Variants in TADA3 observed in about 807,000 individuals in gnomAD.
The protein encoded by TADA3 is transcriptional adapter 3.
Under a neutral mutation model 43.2 loss-of-function variants are expected in TADA3, and 25 were observed. The observed-to-expected ratio is 0.58, with a 90% CI of 0.42 to 0.81. TADA3 has a LOEUF of 0.81. TADA3 is among the 30% of genes least tolerant of loss of function. The probability of loss-of-function intolerance (pLI) is 0.00; values close to 1 mark genes in which losing one functional copy is unlikely to be tolerated. For synonymous variants in TADA3, 235 were observed against 225.5 expected, an observed-to-expected ratio of 1.04 and a Z score of -0.38; for missense variants, 441 against 567.8, an observed-to-expected ratio of 0.78 and a Z score of 2.27.
chr3:9,789,125 T>C (rs907418317), intron 4 of TADA3, among the ~76,000 whole-genome samples: 2 of 152,198 alleles, frequency 1.3e-5, no homozygotes, highest in African/African-American at 2.4e-5. Context: ...CATAAGCCAC[T>C]GCTCCCAGCC....
Position 9,791,476 on chromosome 3 carries a change from T to C in TADA3, c.-10A>G, listed in dbSNP as rs2078731125. 1 of 1,598,386 alleles carries C rather than the reference T, an allele frequency of 6.3e-7. No homozygotes were observed. The highest frequency in any genetic ancestry group is 8.6e-7 in the Non-Finnish European group (1 of 1,169,204). ...CTTTCAACTCACTCATGGCCCAGGATATGGGGATCCTGTGGAGCTGGAGAG... is the reference window on the plus strand; with the variant it reads ...CTTTCAACTCACTCATGGCCCAGGACATGGGGATCCTGTGGAGCTGGAGAG... On this transcript the variant is annotated 5_prime_UTR_variant, in exon 2 of 9. The change creates a new upstream start codon in the 5' untranslated region. Transcript: ENST00000301964.
chr3:9,789,644 G>GC (rs1402537951), intron 3 of TADA3, 30 bp from the exon 4 acceptor site: 1 of 1,611,484 alleles, frequency 6.2e-7, no homozygotes, highest in Non-Finnish European at 8.5e-7. Context: ...CTGAGTGGGC[G>GC]CCCCTGCCCC....
At chr3:9,790,329 A>G (rs1029426139) in intron 2 of TADA3, among the ~76,000 whole-genome samples, 1 of 152,226 alleles carries the variant, frequency 6.6e-6, no homozygotes, top group Non-Finnish European at 1.5e-5. Context: ...CTTAGATGCT[A>G]AAATACAACT....
In TADA3 at chr3:9,780,512, G is replaced by A; in HGVS notation, c.1144C>T (p.Gln382Ter). The change falls in exon 9 of 9, where the codon CAG becomes TAG. Residue 382 changes from glutamine (Q) to a stop codon, truncating the protein, a stop_gained. Coordinates refer to ENST00000301964, the MANE Select transcript of TADA3 (RefSeq NM_006354.5). LOFTEE classifies it high-confidence loss of function. The part of the protein sequence containing the change: ...KEEVSRQELR[Q>*]RVRMADNEVM... The stretch of plus-strand genomic sequence containing the variant: ...TCGTTGTCAGCCATGCGCACCCGCT[G>A]CCTCAGCTCCTGCCGGCTCACCTCC... The A allele has an allele frequency of 6.2e-7, 1 of 1,607,318 alleles. No homozygotes were observed. The highest frequency in any genetic ancestry group is 8.5e-7 in the Non-Finnish European group (1 of 1,179,936).
At chr3:9,792,608 T>C, upstream of TADA3, 1 of 1,230,390 alleles carries the variant, frequency 8.1e-7, no homozygotes, top group Non-Finnish European at 1.0e-6. Context: ...GTGGTCGGCC[T>C]CAGGCGAGCC....
intron 8 of TADA3, among the ~76,000 whole-genome samples, chr3:9,781,070 C>T (rs978542934): frequency 6.6e-6 from 1 of 151,816 alleles, no homozygotes; most frequent in Non-Finnish European, 1.5e-5. Flanking sequence ...TTCAAGGTTA[C>T]AGTGAACTAT....
Position 9,789,865 on chromosome 3 carries a change from C to T in TADA3, c.306G>A (p.Lys102=). The change falls in exon 3 of 9, where the codon AAG becomes AAA. Residue 102 remains lysine, a synonymous_variant. Transcript: ENST00000301964. The part of the protein sequence containing the change: ...LGAPPKHGKP[K]KQKLEGKAGH... ...CTGCCTTCCCTTCCAGTTTCTGCTT[C>T]TTGGGCTTCCCATGTTTGGGGGGAG... is the stretch of plus-strand genomic sequence containing the variant. The T allele has an allele frequency of 6.2e-7, 1 of 1,614,262 alleles. No homozygotes were observed.
rs1274964933 is a variant in TADA3 at position 9,787,001 on chromosome 3, C to T, written c.810+5G>A. 1 of 1,613,294 alleles carries T rather than the reference C, an allele frequency of 6.2e-7. No individual in the cohort carries two copies. Among genetic ancestry groups the T allele is most frequent in the South Asian group, 1.1e-5 (1 of 91,058 alleles). Reference sequence around the variant, plus strand: ...ATGGTTCCTCTTTTGGGTTAGGCTGCTCACCTCCACCAGGGCCTGCAGGAG... The same window carrying T: ...ATGGTTCCTCTTTTGGGTTAGGCTGTTCACCTCCACCAGGGCCTGCAGGAG... On this transcript the variant is annotated splice_donor_5th_base_variant and intron_variant, in intron 6 of 8. Coordinates refer to ENST00000301964, the MANE Select transcript of TADA3 (RefSeq NM_006354.5).
At chr3:9,792,670 G>A (rs2078768343), upstream of TADA3, 2 of 1,232,906 alleles carry the variant, frequency 1.6e-6, no homozygotes, top group African/African-American at 3.1e-5. Context: ...AGATCTCCGC[G>A]CTGCAGTTAG....
intron 7 of TADA3, among the ~76,000 whole-genome samples, chr3:9,784,884 GA>G (rs1172223085): frequency 4.0e-5 from 6 of 150,470 alleles, no homozygotes; most frequent in African/African-American, 1.5e-4. Flanking sequence ...AAAAGAAAAA[GA>G]AAAAAAGAAA....
At chr3:9,785,499 C>T in intron 6 of TADA3, 74 bp from the exon 7 acceptor site, 1 of 1,012,834 alleles carries the variant, frequency 9.9e-7, no homozygotes, top group Non-Finnish European at 1.5e-6. Flanking sequence ...CCTACACTGA[C>T]AGTCTTCAAA....
intron 5 of TADA3, 43 bp from the exon 6 acceptor site, chr3:9,787,152 G>A (rs2078633691): frequency 6.2e-7 from 1 of 1,614,040 alleles, no homozygotes; most frequent in African/African-American, 1.3e-5. Context: ...CTGAAGTTCT[G>A]GAATTCAAGT....
intron 4 of TADA3, chr3:9,787,639 G>A: frequency 7.3e-7 from 1 of 1,363,042 alleles, no homozygotes. Flanking sequence ...TGCCTCTCGA[G>A]AGAATTAGGA....
At chr3:9,787,641 G>C (rs1007251974) in intron 4 of TADA3, 1 of 1,373,306 alleles carries the variant, frequency 7.3e-7, no homozygotes, top group African/African-American at 1.4e-5. Context: ...CCTCTCGAGA[G>C]AATTAGGAGC....
At chr3:9,780,602 C>T in intron 8 of TADA3, 53 bp from the exon 9 acceptor site, 2 of 1,538,884 alleles carry the variant, frequency 1.3e-6, no homozygotes, top group Non-Finnish European at 1.7e-6. Flanking sequence ...CAGAGAACAA[C>T]CCCTCCCTCT....
upstream of TADA3, chr3:9,792,758 C>T (rs1187635577): frequency 2.4e-6 from 3 of 1,245,458 alleles, no homozygotes; most frequent in South Asian, 3.3e-5. Context: ...AAACGAAGGG[C>T]TCGTCCGCTT....
intron 7 of TADA3, among the ~76,000 whole-genome samples, chr3:9,784,874 A>G (rs1178805329): frequency 6.6e-6 from 1 of 151,980 alleles, no homozygotes; most frequent in Non-Finnish European, 1.5e-5. Context: ...CAAAAAAAAA[A>G]AAAGAAAAAG....
chr3:9,785,397 G>T lies in TADA3; in HGVS notation c.839C>A (p.Ser280Tyr). ...TTTCCCAGACATGTCAGGAATAGGA[G>T]AATCCTCCATAGGGGAAATAATATT... ...EENIISPMED[S>Y]PIPDMSGKES... Residue 280 changes from serine (S) to tyrosine (Y), a missense_variant, in exon 7 of 9, where the codon TCT (serine) becomes TAT (tyrosine). Ser to Tyr is a moderately radical substitution (Grantham distance 144, BLOSUM62 -2). Transcript: ENST00000301964. The T allele has an allele frequency of 1.2e-6, 2 of 1,613,944 alleles. No individual in the cohort carries two copies. The highest frequency in any genetic ancestry group is 1.7e-6 in the Non-Finnish European group (2 of 1,179,862).
At chr3:9,787,797 G>C in intron 4 of TADA3, 1 of 1,024,550 alleles carries the variant, frequency 9.8e-7, no homozygotes, top group African/African-American at 1.7e-5. Context: ...GCACAAAGGA[G>C]AGACTGACTA....
Sources: gnomAD v4.1 joint callset for allele counts (sites outside exome capture counted in the v4.1 genomes callset) on GRCh38, gnomAD v4.1.1 for gene constraint, MANE v1.5 for transcripts, NCBI Gene and HGNC (gene_info 2026-07-23, HGNC 2026-07-21) for gene names.